The following MARCHF8 variants were observed in gnomAD, a reference collection of about 807,000 sequenced individuals.
MARCHF8 encodes the protein E3 ubiquitin-protein ligase MARCHF8.
MARCHF8 carries 40 observed loss-of-function variants against 51.6 expected under a neutral mutation model. The observed-to-expected ratio is 0.77, with a 90% confidence interval of 0.60 to 1.01. The LOEUF (loss-of-function observed/expected upper bound fraction) is 1.01. Among genes scored for constraint, MARCHF8 ranks in the 50% least tolerant of loss-of-function variants. MARCHF8 has a pLI of 0.00. For missense variants in MARCHF8, 685 were observed against 708.6 expected (o/e 0.97, Z 0.38); for synonymous variants, 263 against 280.3 (o/e 0.94, Z 0.62).
chr10:45,507,097 T>C (rs2043399803), intron 2 of MARCHF8, among the ~76,000 whole-genome samples: 1 of 152,200 alleles, frequency 6.6e-6, no homozygotes, highest in African/African-American at 2.4e-5. Context: ...AGCTCACAAT[T>C]ATCCACTCCC....
chr10:45,506,053 AG>A (rs2043376376), intron 2 of MARCHF8, among the ~76,000 whole-genome samples: 1 of 143,350 alleles, frequency 7.0e-6, no homozygotes, highest in Admixed American at 6.9e-5. Context: ...TTAACAAATT[AG>A]ATTATAAAAT....
At chr10:45,495,164 C>A (rs1050899108) in intron 2 of MARCHF8, among the ~76,000 whole-genome samples, 2 of 151,858 alleles carry the variant, frequency 1.3e-5, no homozygotes, top group East Asian at 3.9e-4. Flanking sequence ...CTCCCAAAAC[C>A]TTTGGATTAT....
rs1486731650 is a variant in MARCHF8 at position 45,463,146 on chromosome 10, C to T, written c.1088+5G>A. The T allele has an allele frequency of 3.2e-6, 5 of 1,544,658 alleles. No homozygotes were observed. The Admixed American group carries it at 9.9e-5, about 31-fold the overall frequency. On this transcript the variant is annotated splice_donor_5th_base_variant and intron_variant, in intron 5 of 7. Transcript: ENST00000453424. ...GGCTAGAATGGCACTTCCTGGCAAA[C>T]CAACCTGCAGACATCCCCTGACGTG...
At chr10:45,565,133 T>C (rs1476865190) in intron 1 of MARCHF8, among the ~76,000 whole-genome samples, 2 of 152,064 alleles carry the variant, frequency 1.3e-5, no homozygotes, top group African/African-American at 2.4e-5. Context: ...GCTTATAACA[T>C]AGGTGTACAT....
In MARCHF8 at chr10:45,456,838, GGTTTT is replaced by G. The variant is rs1359802656; in HGVS notation, c.*1396_*1400del. The G allele has an allele frequency of 6.6e-6, 1 of 152,370 alleles. No individual in the cohort carries two copies. The highest frequency in any genetic ancestry group is 1.5e-5 in the Non-Finnish European group (1 of 68,042). 9.4% of individuals were successfully genotyped at this position (152,370 alleles called of 1,614,324 possible). ...AAGGCCATTTGATGGTAGTGATTTTGGTTTTGTTTTATGAAAATGGTACAGGTGGT... is the reference window on the plus strand; with the variant it reads ...AAGGCCATTTGATGGTAGTGATTTTGGTTTTATGAAAATGGTACAGGTGGT... On this transcript the variant is annotated 3_prime_UTR_variant, in exon 8 of 8. Coordinates refer to ENST00000453424, the MANE Select transcript of MARCHF8 (RefSeq NM_001282866.2).
intron 2 of MARCHF8, among the ~76,000 whole-genome samples, chr10:45,509,605 G>A (rs1173689785): frequency 6.6e-6 from 1 of 152,166 alleles, no homozygotes; most frequent in Non-Finnish European, 1.5e-5. Context: ...AATCAAATAT[G>A]ACTAAACACT....
intron 3 of MARCHF8, among the ~76,000 whole-genome samples, chr10:45,479,904 T>C (rs2042854283): frequency 6.6e-6 from 1 of 152,182 alleles, no homozygotes; most frequent in South Asian, 2.1e-4. Flanking sequence ...AGGCAGAGGC[T>C]GGAATGGTCT....
intron 1 of MARCHF8, among the ~76,000 whole-genome samples, chr10:45,568,417 C>T (rs1057306995): frequency 2.0e-5 from 3 of 152,084 alleles, no homozygotes; most frequent in African/African-American, 7.2e-5. Flanking sequence ...TCTTGAACCA[C>T]ACATAAAATA....
intron 1 of MARCHF8, among the ~76,000 whole-genome samples, chr10:45,583,211 T>C (rs1016774518): frequency 2.6e-5 from 4 of 152,034 alleles, no homozygotes; most frequent in African/African-American, 9.7e-5. Flanking sequence ...TACAGAAAAA[T>C]AAGGGATCGG....
At chr10:45,553,744 C>T (rs2044221383) in intron 1 of MARCHF8, among the ~76,000 whole-genome samples, 1 of 152,002 alleles carries the variant, frequency 6.6e-6, no homozygotes, top group African/African-American at 2.4e-5. Context: ...GACAAAAAAG[C>T]AAGAAGAAAA....
chr10:45,527,891 A>C (rs1204091611), intron 2 of MARCHF8, among the ~76,000 whole-genome samples: 1 of 152,206 alleles, frequency 6.6e-6, no homozygotes, highest in Non-Finnish European at 1.5e-5. Flanking sequence ...CACATCAAAA[A>C]ACATGGTACA....
intron 3 of MARCHF8, among the ~76,000 whole-genome samples, chr10:45,478,733 T>A (rs541179675): frequency 1.3e-5 from 2 of 152,122 alleles, no homozygotes; most frequent in African/African-American, 4.8e-5. Flanking sequence ...CATCAGAGAC[T>A]ATTACGAACT....
chr10:45,501,726 AT>A (rs1009318174), intron 2 of MARCHF8, among the ~76,000 whole-genome samples: 5 of 152,136 alleles, frequency 3.3e-5, no homozygotes, highest in African/African-American at 1.2e-4. Context: ...GGGGGAAAAT[AT>A]TTGCAAATGA....
Position 45,457,162 on chromosome 10 carries a change from C to T in MARCHF8, c.*1077G>A, listed in dbSNP as rs1390860619. The T allele has an allele frequency of 6.6e-6, 1 of 152,258 alleles. No individual in the cohort carries two copies. Among genetic ancestry groups the T allele is most frequent in the African/African-American group, 2.4e-5 (1 of 41,476 alleles). The allele number at this position is 152,258 out of a possible 1,614,324, so 9.4% of individuals were successfully genotyped here. On this transcript the variant is annotated 3_prime_UTR_variant, in exon 8 of 8. Coordinates refer to ENST00000453424, the MANE Select transcript of MARCHF8 (RefSeq NM_001282866.2). ...TGCACACACCCCGGCCAGGGTGGCA[C>T]ATGGCTGCTCTTTCAATGTGAAGCC...
Position 45,553,282 on chromosome 10 carries a change from TC to T in MARCHF8, c.-78-19994del, listed in dbSNP as rs1589171599. The T allele has an allele frequency of 1.3e-5, 2 of 152,206 alleles. 1 individual carries two copies. The highest frequency in any genetic ancestry group is 3.8e-4 in the East Asian group (2 of 5,196). The allele number at this position is 152,206 out of a possible 1,614,324, so 9.4% of individuals were successfully genotyped here. ...GCTTCAGATGTTCCTAAAGTCTCAA[TC>T]TACTTTAAACAGAGTGAAACTAGAA... On this transcript the variant is annotated intron_variant, in intron 1 of 6. Transcript: ENST00000319836.
intron 2 of MARCHF8, among the ~76,000 whole-genome samples, chr10:45,497,574 T>C (rs944853761): frequency 6.6e-6 from 1 of 152,210 alleles, no homozygotes; most frequent in Non-Finnish European, 1.5e-5. Context: ...AGTATGATTC[T>C]GGCTACAACA....
At chr10:45,488,643 G>A (rs548646281) in intron 3 of MARCHF8, among the ~76,000 whole-genome samples, 1 of 152,290 alleles carries the variant, frequency 6.6e-6, no homozygotes, top group Admixed American at 6.5e-5. Context: ...ACTCCCTGGC[G>A]CCAAGGTTCT....
In MARCHF8 at chr10:45,458,208, G is replaced by A. The variant is rs1842666168; in HGVS notation, c.*31C>T. 1 of 1,578,992 alleles carries A rather than the reference G, an allele frequency of 6.3e-7. No homozygotes were observed. Among genetic ancestry groups the A allele is most frequent in the African/African-American group, 1.4e-5 (1 of 73,698 alleles). On this transcript the variant is annotated 3_prime_UTR_variant, in exon 8 of 8. Coordinates refer to ENST00000453424, the MANE Select transcript of MARCHF8 (RefSeq NM_001282866.2). ...AAACAATTTCCTTCAGCTCTTCATG[G>A]ATGTCCAGGAAAATGACAACCCGCA...
chr10:45,512,851 T>G (rs563883574), intron 2 of MARCHF8, among the ~76,000 whole-genome samples: 11 of 152,150 alleles, frequency 7.2e-5, no homozygotes, highest in East Asian at 5.8e-4. Flanking sequence ...GAAGTAGACA[T>G]GGGAGACTTT....
Sources: gnomAD v4.1 joint callset for allele counts (sites outside exome capture counted in the v4.1 genomes callset) on GRCh38, gnomAD v4.1.1 for gene constraint, MANE v1.5 for transcripts, NCBI Gene and HGNC (gene_info 2026-07-23, HGNC 2026-07-21) for gene names.